The following SLC35A3 variants were observed in gnomAD, a reference collection of about 807,000 sequenced individuals.
The protein encoded by SLC35A3 is solute carrier family 35 member A3.
In SLC35A3, 26 loss-of-function variants were observed where a neutral mutation model predicts 39.0. The ratio of observed to expected loss-of-function variants is 0.67; its 90% CI spans 0.49 to 0.92. The LOEUF is 0.92. Ranked by LOEUF, SLC35A3 falls within the 40% of genes least tolerant of loss-of-function variation. The probability of loss-of-function intolerance (pLI) is 0.00; values close to 1 mark genes in which losing one functional copy is unlikely to be tolerated. For missense variants in SLC35A3, 299 were observed against 371.6 expected, an observed-to-expected ratio of 0.80 and a Z score of 1.61; for synonymous variants, 135 against 133.1, an observed-to-expected ratio of 1.01 and a Z score of -0.10.
chr1:99,970,592 A>G, intron 1 of SLC35A3: 1 of 1,536,092 alleles, frequency 6.5e-7, no homozygotes, highest in Non-Finnish European at 8.7e-7. Context: ...CCCGACCAGC[A>G]CCTGGAGCTC....
intron 3 of SLC35A3, among the ~76,000 whole-genome samples, chr1:100,000,085 G>A (rs886443756): frequency 3.8e-4 from 58 of 152,070 alleles, no homozygotes; most frequent in African/African-American, 1.3e-3. Flanking sequence ...CTTTCCTTTG[G>A]ATAAATACCC....
At position 100,019,023 on chromosome 1, in the gene SLC35A3, A is replaced by G. The variant is rs151085246; in HGVS notation, c.887+1208A>G. On this transcript the variant is annotated intron_variant, in intron 7 of 7. Transcript: ENST00000533028. ...CTTAGCTAGTGAGACTAGATGAACA[A>G]TGAACACTTGTGTCTTAATTTTGTA... Among the ~76,000 whole-genome samples the G allele has an allele frequency of 2.1e-3, 324 of 152,286 alleles. 2 individuals are homozygous for G. The highest frequency in any genetic ancestry group is 6.5e-3 in the African/African-American group (272 of 41,568).
chr1:99,989,156 T>A (rs540576230), intron 1 of SLC35A3, among the ~76,000 whole-genome samples: 39 of 152,364 alleles, frequency 2.6e-4, no homozygotes, highest in African/African-American at 9.4e-4. Context: ...GTTTTTAAAA[T>A]TTAGCCAGTC....
At chr1:99,998,840 A>G (rs1658571463) in intron 2 of SLC35A3, among the ~76,000 whole-genome samples, 2 of 152,136 alleles carry the variant, frequency 1.3e-5, no homozygotes, top group African/African-American at 4.8e-5. Flanking sequence ...CCTTCTTTTA[A>G]TGATTAAAGT....
intron 3 of SLC35A3, among the ~76,000 whole-genome samples, chr1:100,006,439 C>T (rs1192564930): frequency 6.6e-6 from 1 of 152,054 alleles, no homozygotes; most frequent in African/African-American, 2.4e-5. Context: ...AATCTTGGTT[C>T]CCCAAGCAGT....
chr1:99,994,123 T>A (rs1177646300), intron 2 of SLC35A3, among the ~76,000 whole-genome samples: 1 of 152,092 alleles, frequency 6.6e-6, no homozygotes, highest in Non-Finnish European at 1.5e-5. Flanking sequence ...TATATAGTTT[T>A]AAAAAATAGT....
intron 1 of SLC35A3, among the ~76,000 whole-genome samples, chr1:99,975,336 A>C (rs911156742): frequency 1.3e-5 from 2 of 152,354 alleles, no homozygotes; most frequent in Admixed American, 1.3e-4. Flanking sequence ...TATAAATTCA[A>C]CATAGAGTAA....
At chr1:99,978,878 T>G (rs1657278040) in intron 1 of SLC35A3, 1 of 152,238 alleles carries the variant, frequency 6.6e-6, no homozygotes, top group East Asian at 1.9e-4. Flanking sequence ...ATATAGCAAC[T>G]TAATTTCATC....
intron 4 of SLC35A3, among the ~76,000 whole-genome samples, chr1:100,010,661 C>T (rs1659563857): frequency 6.6e-6 from 1 of 152,016 alleles, no homozygotes; most frequent in Non-Finnish European, 1.5e-5. Flanking sequence ...TGCACTCCAG[C>T]CTGGGTGACA....
At chr1:99,971,732 G>A (rs1656825304) in intron 1 of SLC35A3, among the ~76,000 whole-genome samples, 1 of 152,084 alleles carries the variant, frequency 6.6e-6, no homozygotes, top group Non-Finnish European at 1.5e-5. Flanking sequence ...ATGCCTGTCA[G>A]CCTTGGTGTT....
Position 100,015,409 on chromosome 1 carries a change from G to C in SLC35A3, c.742G>C (p.Val248Leu). Residue 248 changes from valine to leucine, a missense_variant, in exon 6 of 8, where the codon GTT becomes CTT. Coordinates refer to ENST00000533028, the MANE Select transcript of SLC35A3 (RefSeq NM_012243.3). ...QGYNRLTWIV[V>L]VLQALGGLVI... ...ATATAACCGACTGACCTGGATAGTA[G>C]TTGTTCTTCAGGTAAAGCATTTAAA... The C allele has an allele frequency of 6.2e-7, 1 of 1,605,214 alleles. No homozygotes were observed. The highest frequency in any genetic ancestry group is 8.5e-7 in the Non-Finnish European group (1 of 1,177,444).
intron 1 of SLC35A3, chr1:99,970,645 G>GT: frequency 6.5e-7 from 1 of 1,533,496 alleles, no homozygotes; most frequent in Non-Finnish European, 8.7e-7. Flanking sequence ...GCTGCCCTTG[G>GT]TAAGGCTAGT....
At chr1:99,981,684 C>G (rs141866658) in intron 1 of SLC35A3, among the ~76,000 whole-genome samples, 1 of 151,556 alleles carries the variant, frequency 6.6e-6, no homozygotes, top group Non-Finnish European at 1.5e-5. Context: ...TTTTGCCATG[C>G]TGACCAGGCT....
chr1:99,983,919 G>C (rs954875843), intron 1 of SLC35A3, among the ~76,000 whole-genome samples: 4 of 152,092 alleles, frequency 2.6e-5, no homozygotes, highest in African/African-American at 9.7e-5. Context: ...ACCGCACCCG[G>C]CCTTATTTTT....
intron 7 of SLC35A3, among the ~76,000 whole-genome samples, chr1:100,021,800 G>A (rs1660571104): frequency 1.3e-5 from 2 of 152,166 alleles, no homozygotes; most frequent in African/African-American, 4.8e-5. Context: ...AGAACTCCCT[G>A]CATTTAATGT....
Position 100,022,557 on chromosome 1 carries a change from A to T in SLC35A3, c.*81A>T. ...AATCTTGCACAGAGGACTTCTACAG[A>T]GTCTGAGAAGATATCATCATGCTGA... On this transcript the variant is annotated 3_prime_UTR_variant, in exon 8 of 8. Coordinates refer to ENST00000533028, the MANE Select transcript of SLC35A3 (RefSeq NM_012243.3). 1.5e-6 allele frequency: 1 copy of T among 678,462 alleles called. No homozygotes were observed. The highest frequency in any genetic ancestry group is 2.6e-6 in the Non-Finnish European group (1 of 392,144). 42.0% of individuals were successfully genotyped at this position (678,462 alleles called of 1,614,324 possible). A position where few individuals can be genotyped will look rare whatever the true frequency, so the allele number is the denominator to read the frequency against.
At chr1:100,008,202 C>T (rs1198470800) in intron 4 of SLC35A3, 2 of 152,132 alleles carry the variant, frequency 1.3e-5, no homozygotes, top group South Asian at 2.1e-4. Context: ...CCACCCTCCT[C>T]AGCCTCCTAA....
chr1:100,011,804 C>T (rs1010551370), intron 5 of SLC35A3, among the ~76,000 whole-genome samples: 3 of 151,326 alleles, frequency 2.0e-5, no homozygotes, highest in Non-Finnish European at 4.4e-5. Flanking sequence ...CTGCAAGCTC[C>T]GCCTCCCAGG....
At chr1:99,992,603 A>C (rs988572414) in intron 1 of SLC35A3, among the ~76,000 whole-genome samples, 3 of 152,138 alleles carry the variant, frequency 2.0e-5, no homozygotes, top group Admixed American at 2.0e-4. Flanking sequence ...AAATTATTTT[A>C]AGTCTTCATA....
Sources: allele counts gnomAD v4.1 joint callset (sites outside exome capture counted in the v4.1 genomes callset), GRCh38; gene constraint gnomAD v4.1.1; transcripts MANE v1.5; gene names NCBI Gene and HGNC (gene_info 2026-07-23, HGNC 2026-07-21).